Variants in FMN2 observed in about 807,000 individuals in gnomAD.
FMN2 encodes formin 2, also known as formin-2.
A neutral mutation model predicts 142.3 loss-of-function variants in FMN2; 51 were observed. The ratio of observed to expected loss-of-function variants is 0.36; its 90% CI spans 0.29 to 0.45. The LOEUF is 0.45. Among genes scored for constraint, FMN2 ranks in the 20% least tolerant of loss-of-function variants. The probability of loss-of-function intolerance (pLI) is 1.00; values close to 1 mark genes in which losing one functional copy is unlikely to be tolerated. For missense variants in FMN2, 1,936 were observed against 2,122.8 expected, an observed-to-expected ratio of 0.91 and a Z score of 1.73; for synonymous variants, 882 against 869.8, an observed-to-expected ratio of 1.01 and a Z score of -0.25.
chr1:240,349,786 A>T (rs1033734627), intron 13 of FMN2, among the ~76,000 whole-genome samples: 1 of 152,234 alleles, frequency 6.6e-6, no homozygotes, highest in Non-Finnish European at 1.5e-5. Context: ...AAATTAAACA[A>T]AAGTTGAGAT....
intron 8 of FMN2, among the ~76,000 whole-genome samples, chr1:240,306,363 A>C (rs776035061): frequency 1.3e-5 from 2 of 152,196 alleles, no homozygotes; most frequent in Non-Finnish European, 1.5e-5. Flanking sequence ...GGCTTCCGTT[A>C]ATCCCATAAC....
intron 8 of FMN2, among the ~76,000 whole-genome samples, chr1:240,302,431 G>A (rs1368343200): frequency 1.3e-5 from 2 of 151,658 alleles, no homozygotes; most frequent in Admixed American, 6.6e-5. Context: ...GAGATAACAA[G>A]GCAACTCAAA....
At chr1:240,100,876 G>A (rs2103175378) in intron 1 of FMN2, among the ~76,000 whole-genome samples, 1 of 152,286 alleles carries the variant, frequency 6.6e-6, no homozygotes, top group African/African-American at 2.4e-5. Flanking sequence ...CCTATATTAT[G>A]TTTCAAAATT....
chr1:240,424,653 G>A (rs1334432962), intron 15 of FMN2, among the ~76,000 whole-genome samples: 1 of 152,126 alleles, frequency 6.6e-6, no homozygotes, highest in African/African-American at 2.4e-5. Flanking sequence ...CCTTACTGTG[G>A]ACCTGGCATC....
chr1:240,154,665 G>C (rs207461304), intron 2 of FMN2: 1 of 152,162 alleles, frequency 6.6e-6, no homozygotes, highest in African/African-American at 2.4e-5. Flanking sequence ...GGCTAGTCAA[G>C]TGTAGTAGTG....
chr1:240,222,959 A>G (rs1262637348), intron 6 of FMN2, among the ~76,000 whole-genome samples: 1 of 151,092 alleles, frequency 6.6e-6, no homozygotes, highest in Non-Finnish European at 1.5e-5. Context: ...TTGACTTCCT[A>G]TTTGAATACC....
At chr1:240,154,378 G>A (rs1218477875) in intron 2 of FMN2, among the ~76,000 whole-genome samples, 2 of 152,148 alleles carry the variant, frequency 1.3e-5, no homozygotes, top group Non-Finnish European at 2.9e-5. Flanking sequence ...GCACATGAAG[G>A]TTAAGTAGGA....
intron 6 of FMN2, among the ~76,000 whole-genome samples, chr1:240,252,775 T>A (rs1453178709): frequency 6.6e-6 from 1 of 151,920 alleles, no homozygotes; most frequent in East Asian, 1.9e-4. Context: ...ATTTGGGGAT[T>A]TCTGACCTTC....
chr1:240,137,637 T>C (rs1663000021), intron 2 of FMN2, among the ~76,000 whole-genome samples: 1 of 152,176 alleles, frequency 6.6e-6, no homozygotes, highest in South Asian at 2.1e-4. Context: ...CTTTTCTTGT[T>C]CTTGTGTAGC....
intron 7 of FMN2, among the ~76,000 whole-genome samples, chr1:240,287,234 A>T (rs1433967187): frequency 6.6e-6 from 1 of 152,210 alleles, no homozygotes; most frequent in African/African-American, 2.4e-5. Context: ...CCTGGTAGCT[A>T]GAGTAAGATG....
chr1:240,147,079 A>G (rs1374851414), intron 2 of FMN2, among the ~76,000 whole-genome samples: 1 of 152,128 alleles, frequency 6.6e-6, no homozygotes, highest in African/African-American at 2.4e-5. Context: ...AGTCATAGAA[A>G]ATTGGGGCTT....
At chr1:240,302,263 T>C (rs1055736800) in intron 8 of FMN2, among the ~76,000 whole-genome samples, 3 of 152,082 alleles carry the variant, frequency 2.0e-5, no homozygotes, top group Non-Finnish European at 2.9e-5. Flanking sequence ...TGAATAGTTA[T>C]GTTCAGTTTT....
At chr1:240,114,431 T>C (rs575656597) in intron 1 of FMN2, among the ~76,000 whole-genome samples, 1 of 152,180 alleles carries the variant, frequency 6.6e-6, no homozygotes, top group South Asian at 2.1e-4. Context: ...GGGGATGCTG[T>C]GTACTTTATG....
chr1:240,239,329 A>G (rs1667814548), intron 6 of FMN2, among the ~76,000 whole-genome samples: 1 of 152,170 alleles, frequency 6.6e-6, no homozygotes, highest in Non-Finnish European at 1.5e-5. Flanking sequence ...TGTTAAAGAA[A>G]GGAAAAATGC....
At chr1:240,154,228 A>G (rs1377896037) in intron 2 of FMN2, among the ~76,000 whole-genome samples, 1 of 152,004 alleles carries the variant, frequency 6.6e-6, no homozygotes, top group Non-Finnish European at 1.5e-5. Context: ...CAGACAGACA[A>G]TGCATCAAAG....
At chr1:240,297,377 C>T (rs778574150) in intron 8 of FMN2, among the ~76,000 whole-genome samples, 4 of 151,826 alleles carry the variant, frequency 2.6e-5, no homozygotes, top group Admixed American at 6.6e-5. Context: ...GGGAGGATCA[C>T]GAGGTCGGGA....
At chr1:240,113,573 A>AAAT (rs1661903300) in intron 1 of FMN2, among the ~76,000 whole-genome samples, 1 of 151,404 alleles carries the variant, frequency 6.6e-6, no homozygotes, top group African/African-American at 2.4e-5. Context: ...AAAAAAAAAA[A>AAAT]AAAAAATAAG....
intron 14 of FMN2, among the ~76,000 whole-genome samples, chr1:240,382,608 C>T (rs1358145201): frequency 6.6e-6 from 1 of 151,990 alleles, no homozygotes; most frequent in African/African-American, 2.4e-5. Flanking sequence ...TTGCAGTGAA[C>T]CGAGATCGTG....
intron 16 of FMN2, among the ~76,000 whole-genome samples, chr1:240,465,747 G>A (rs1415509789): frequency 6.6e-6 from 1 of 152,148 alleles, no homozygotes; most frequent in Non-Finnish European, 1.5e-5. Flanking sequence ...TTTCTCATTC[G>A]ATTGAATGAT....
Sources: allele counts gnomAD v4.1 joint callset (sites outside exome capture counted in the v4.1 genomes callset), GRCh38; gene constraint gnomAD v4.1.1; transcripts MANE v1.5; gene names NCBI Gene and HGNC (gene_info 2026-07-23, HGNC 2026-07-21).